PHRF1: variants seen among roughly 807,000 people sequenced by gnomAD.
PHRF1 encodes the protein PHD and RING finger domain-containing protein 1.
PHRF1 carries 53 observed loss-of-function variants against 128.9 expected under a neutral mutation model. That is an observed-to-expected ratio of 0.41 (90% CI 0.33 to 0.52). The LOEUF (loss-of-function observed/expected upper bound fraction) is 0.52, where lower values mean the gene tolerates loss of function less well. Ranked by LOEUF, PHRF1 falls within the 20% of genes least tolerant of loss-of-function variation. PHRF1 has a pLI of 0.21. For missense variants in PHRF1, 2,503 were observed against 2,284.5 expected, an observed-to-expected ratio of 1.10 and a Z score of -1.95; for synonymous variants, 1,178 against 980.6, an observed-to-expected ratio of 1.20 and a Z score of -3.76.
In PHRF1 at chr11:608,741, C is replaced by A. The variant is rs1427832030; in HGVS notation, c.3285C>A (p.Ser1095Arg). Residue 1095 changes from serine to arginine, a missense_variant, in exon 14 of 18, where the codon AGC becomes AGA. By Grantham distance (110) the Ser-to-Arg change is moderately radical. Transcript: ENST00000264555. Reference protein sequence around the residue: ...SRRTSRSRSGSPGSSSYEHYE... With the variant: ...SRRTSRSRSGRPGSSSYEHYE... The stretch of plus-strand genomic sequence containing the variant: ...GGACGTCCCGGTCGCGGTCGGGGAG[C>A]CCTGGCAGCTCTTCCTATGAGCACT... 1 of 1,611,114 alleles carries A rather than the reference C, an allele frequency of 6.2e-7. No individual in the cohort carries two copies. Among genetic ancestry groups the A allele is most frequent in the Admixed American group, 1.7e-5 (1 of 59,816 alleles).
intron 10 of PHRF1, among the ~76,000 whole-genome samples, chr11:602,139 A>G (rs1016927738): frequency 6.6e-6 from 1 of 152,066 alleles, no homozygotes; most frequent in African/African-American, 2.4e-5. Context: ...CTTCTGACCC[A>G]TGTTCGCTGG....
chr11:591,308 T>G (rs1220954598), intron 4 of PHRF1, 76 bp from the exon 5 acceptor site: 1 of 1,317,194 alleles, frequency 7.6e-7, no homozygotes, highest in Non-Finnish European at 1.1e-6. Context: ...GATACTTGAT[T>G]TTCAGTGTAA....
At chr11:577,572 C>T (rs1211610050) in intron 1 of PHRF1, among the ~76,000 whole-genome samples, 2 of 152,246 alleles carry the variant, frequency 1.3e-5, no homozygotes, top group African/African-American at 4.8e-5. Flanking sequence ...CTGGCCTTGG[C>T]CCTCAGCAGG....
rs1013593886 is a variant in PHRF1, at chr11:589,765, C to A, written c.421-1619C>A. Among the ~76,000 whole-genome samples, 49 of 151,826 alleles carry A rather than the reference C, an allele frequency of 3.2e-4. 1 individual carries two copies. Among genetic ancestry groups the A allele is most frequent in the Non-Finnish European group, 1.0e-4 (7 of 67,952 alleles). ...CTGAGAGAGTGTCTGCAAACGGGCACGGAGCATGTCAGGCTCAGCCTGAGA... is the reference window on the plus strand; with the variant it reads ...CTGAGAGAGTGTCTGCAAACGGGCAAGGAGCATGTCAGGCTCAGCCTGAGA... On this transcript the variant is annotated intron_variant, in intron 4 of 17. Transcript: ENST00000264555.
chr11:603,470 G>A (rs915746159), intron 10 of PHRF1, among the ~76,000 whole-genome samples: 5 of 151,972 alleles, frequency 3.3e-5, no homozygotes, highest in African/African-American at 1.2e-4. Context: ...CAAGTAGCTG[G>A]GACCACAGGC....
rs187449581 is a variant in PHRF1 at position 576,953 on chromosome 11, C to T, written c.-22+361C>T. 9.1e-4 allele frequency among the ~76,000 whole-genome samples: 138 copies of T among 152,038 alleles called. 1 individual carries two copies. Among genetic ancestry groups the T allele is most frequent in the African/African-American group, 3.2e-3 (131 of 41,468 alleles). ...GTGGCCTGCGGGCGGACGTCCTGGG[C>T]TTGCGAGGACGCGGCGAGAGCCCAC... On this transcript the variant is annotated intron_variant, in intron 1 of 17. Coordinates refer to ENST00000264555, the MANE Select transcript of PHRF1 (RefSeq NM_001286581.2).
intron 5 of PHRF1, 43 bp from the exon 6 acceptor site, chr11:592,516 G>C: frequency 6.4e-7 from 1 of 1,569,992 alleles, no homozygotes; most frequent in Non-Finnish European, 8.8e-7. Context: ...TGACTGCGGG[G>C]AGTTTGGGTC....
Position 610,657 on chromosome 11 carries a change from C to T in PHRF1, c.4573C>T (p.Leu1525=), listed in dbSNP as rs1856316948. The change falls in exon 16 of 18, where the codon CTG becomes TTG. Residue 1525 remains leucine, a synonymous_variant. Coordinates refer to ENST00000264555, the MANE Select transcript of PHRF1 (RefSeq NM_001286581.2). ...AQTLAPVPAA[L]TPASEPASQA... ...GACCCTGGCCCCAGTGCCCGCTGCC[C>T]TGACCCCAGCCTCAGAGCCAGCCAG... 6 of 1,604,130 alleles carry T rather than the reference C, an allele frequency of 3.7e-6. No individual in the cohort carries two copies. Among genetic ancestry groups the T allele is most frequent in the Non-Finnish European group, 4.2e-6 (5 of 1,179,826 alleles).
chr11:609,836 C>T (rs1856252091), intron 14 of PHRF1, 116 bp downstream of exon 14: 3 of 702,936 alleles, frequency 4.3e-6, no homozygotes, highest in African/African-American at 3.6e-5. Flanking sequence ...AGGACAGAGC[C>T]CCCCGTGAGT....
rs368487709 is a variant in PHRF1, at chr11:591,485, C to G, written c.504+18C>G. On this transcript the variant is annotated intron_variant, in intron 5 of 17. Coordinates refer to ENST00000264555, the MANE Select transcript of PHRF1 (RefSeq NM_001286581.2). Reference sequence around the variant, plus strand: ...TAAGAAAGGTGAGTGTGGACGCTGCCGTGGAGGCCCCAGCCGTGCTTCTAT... The same window carrying G: ...TAAGAAAGGTGAGTGTGGACGCTGCGGTGGAGGCCCCAGCCGTGCTTCTAT... 6.3e-7 allele frequency: 1 copy of G among 1,587,602 alleles called. No individual in the cohort carries two copies. The highest frequency in any genetic ancestry group is 2.3e-5 in the East Asian group (1 of 43,390).
At chr11:581,724 T>C (rs1854214972) in intron 2 of PHRF1, 118 bp downstream of exon 2, 1 of 1,118,772 alleles carries the variant, frequency 8.9e-7, no homozygotes, top group Non-Finnish European at 1.2e-6. Flanking sequence ...AAATTATGCT[T>C]TGATTTTAAA....
At chr11:588,255 C>T (rs1421722171) in intron 4 of PHRF1, among the ~76,000 whole-genome samples, 1 of 152,224 alleles carries the variant, frequency 6.6e-6, no homozygotes, top group East Asian at 1.9e-4. Context: ...AGGACCCAGA[C>T]ATTCCTCATG....
intron 12 of PHRF1, 108 bp downstream of exon 12, chr11:605,832 G>A (rs961408117): frequency 2.1e-5 from 30 of 1,431,156 alleles, no homozygotes; most frequent in African/African-American, 1.9e-4. Context: ...CCTGGGTGGC[G>A]TCAGCACCTC....
At chr11:582,681 A>T (rs1224729357) in intron 3 of PHRF1, among the ~76,000 whole-genome samples, 1 of 150,724 alleles carries the variant, frequency 6.6e-6, no homozygotes, top group Non-Finnish European at 1.5e-5. Flanking sequence ...CCCGCCACCA[A>T]GCCTGGCTAA....
At chr11:604,762 T>C (rs1855843368) in intron 10 of PHRF1, among the ~76,000 whole-genome samples, 1 of 152,226 alleles carries the variant, frequency 6.6e-6, no homozygotes, top group African/African-American at 2.4e-5. Context: ...TCTGTCTGCC[T>C]TGGGCTCCCA....
At chr11:606,348 T>C in intron 12 of PHRF1, 94 bp from the exon 13 acceptor site, 2 of 1,421,898 alleles carry the variant, frequency 1.4e-6, no homozygotes, top group Non-Finnish European at 1.8e-6. Flanking sequence ...AGCCCCACTC[T>C]CCCTGGCTCC....
chr11:605,719 T>C lies in PHRF1; in HGVS notation c.1449T>C (p.Leu483=). Residue 483 remains leucine, a synonymous_variant, in exon 12 of 18, where the codon CTT becomes CTC. Transcript: ENST00000264555. ...TGGCCAGGCCCGTCTCCGTGGGGCT[T>C]TCCAGGTGTGTGAGGGCAGAGGCTT... ...QPVARPVSVG[L]SRRRLPAAVP... is the part of the protein sequence containing the mutation. 1 of 1,610,230 alleles carries C rather than the reference T, an allele frequency of 6.2e-7. No individual in the cohort carries two copies. The highest frequency in any genetic ancestry group is 8.5e-7 in the Non-Finnish European group (1 of 1,179,510).
intron 4 of PHRF1, among the ~76,000 whole-genome samples, chr11:590,797 G>A (rs970920835): frequency 2.0e-5 from 3 of 152,038 alleles, no homozygotes; most frequent in South Asian, 2.1e-4. Context: ...TCAGCCTCTC[G>A]GGTTCAAACG....
At position 610,490 on chromosome 11, in the gene PHRF1, GTCCC is replaced by G. The variant is rs752578161; in HGVS notation, c.4417-6_4417-3del. 1.3e-6 allele frequency: 2 copies of G among 1,599,710 alleles called. No individual in the cohort carries two copies. The highest frequency in any genetic ancestry group is 1.7e-6 in the Non-Finnish European group (2 of 1,175,446). ...GTAGGGCCCAGTGCTCAGCAGGGGTGTCCCTCCCAGGTTTACAGCCCCGGCCTGC... is the reference window on the plus strand; with the variant it reads ...GTAGGGCCCAGTGCTCAGCAGGGGTGTCCCAGGTTTACAGCCCCGGCCTGC... On this transcript the variant is annotated splice_region_variant and splice_polypyrimidine_tract_variant and intron_variant, in intron 15 of 17. Transcript: ENST00000264555.
Sources: gnomAD v4.1 joint callset for allele counts (sites outside exome capture counted in the v4.1 genomes callset) on GRCh38, gnomAD v4.1.1 for gene constraint, MANE v1.5 for transcripts, NCBI Gene and HGNC (gene_info 2026-07-23, HGNC 2026-07-21) for gene names.